The following TENM1 variants were observed in gnomAD, a reference collection of about 807,000 sequenced individuals.
TENM1 encodes teneurin-1.
Under a neutral mutation model 174.8 loss-of-function variants are expected in TENM1, and 35 were observed. The ratio of observed to expected loss-of-function variants is 0.20; its 90% CI spans 0.15 to 0.27. TENM1 has a LOEUF of 0.27. Among genes scored for constraint, TENM1 ranks in the 10% least tolerant of loss-of-function variants. The pLI is 1.00. For missense variants in TENM1, 1,633 were observed against 2,130.1 expected (o/e 0.77, Z 4.59); for synonymous variants, 781 against 798.7 (o/e 0.98, Z 0.37).
At chrX:125,062,618 T>C in the TENM1 span, among the ~76,000 whole-genome samples, 1 of 112,289 alleles carries the variant, frequency 8.9e-6, no homozygotes, top group Non-Finnish European at 1.9e-5. Context: ...GCCTTTTCTG[T>C]CAAAGAGATT....
chrX:125,057,489 TA>T, the TENM1 span, among the ~76,000 whole-genome samples: 6 of 111,013 alleles, frequency 5.4e-5, no homozygotes, highest in Admixed American at 9.6e-5. Flanking sequence ...AGGAAAAAAG[TA>T]AAGTAGTTCC....
chrX:125,031,074 G>A, the TENM1 span, among the ~76,000 whole-genome samples: 1 of 110,161 alleles, frequency 9.1e-6, no homozygotes, highest in Non-Finnish European at 1.9e-5. Flanking sequence ...CAGGTACTGG[G>A]CAGAGCAGCT....
At chrX:124,997,360 A>G in the TENM1 span, among the ~76,000 whole-genome samples, 25,161 of 110,284 alleles carry the variant, frequency 0.23, 2,896 homozygotes, top group African/African-American at 0.44. Flanking sequence ...TTAAATTTAT[A>G]TTGGGGCAAC....
intron 1 of TENM1, among the ~76,000 whole-genome samples, chrX:124,915,647 C>T (rs769219507): frequency 1.2e-3 from 135 of 112,426 alleles, no homozygotes; most frequent in Middle Eastern, 4.6e-3. Flanking sequence ...GTGAATATAG[C>T]AGTGTATCTC....
chrX:125,031,337 A>G, the TENM1 span, among the ~76,000 whole-genome samples: 1 of 111,486 alleles, frequency 9.0e-6, no homozygotes, highest in South Asian at 3.8e-4. Context: ...AGTTGTTGCC[A>G]TTTATATTGC....
At chrX:125,124,939 G>C in the TENM1 span, among the ~76,000 whole-genome samples, 1 of 112,014 alleles carries the variant, frequency 8.9e-6, no homozygotes, top group Non-Finnish European at 1.9e-5. Flanking sequence ...TGTTTTTAAA[G>C]ATCTAGGTCA....
chrX:125,038,920 C>T, the TENM1 span, among the ~76,000 whole-genome samples: 4 of 111,442 alleles, frequency 3.6e-5, no homozygotes, highest in African/African-American at 6.5e-5. Context: ...ATATTTGATG[C>T]CCAACATGTA....
Position 124,793,476 on chromosome X carries a change from G to T in TENM1, c.536-56279C>A, listed in dbSNP as rs538762562. Reference sequence around the variant, plus strand: ...GATTTCTCTGGTAGTCTTGGTAAAAGACCTGCTTATTAGAAAGACAAAAAA... The same window carrying T: ...GATTTCTCTGGTAGTCTTGGTAAAATACCTGCTTATTAGAAAGACAAAAAA... On this transcript the variant is annotated intron_variant, in intron 3 of 31. Coordinates refer to ENST00000422452, the Ensembl canonical transcript of TENM1. Among the ~76,000 whole-genome samples the T allele has an allele frequency of 8.1e-5, 9 of 111,304 alleles. No homozygotes were observed. The South Asian group carries it at 3.4e-3, about 42-fold the overall frequency.
At chrX:124,793,406 C>A (rs987694421) in intron 3 of TENM1, among the ~76,000 whole-genome samples, 1 of 111,580 alleles carries the variant, frequency 9.0e-6, no homozygotes, top group Admixed American at 9.6e-5. Context: ...TTCTCCAGGC[C>A]ATAAAACATG....
At chrX:124,512,823 C>T (rs1431978682) in intron 18 of TENM1, among the ~76,000 whole-genome samples, 1 of 111,815 alleles carries the variant, frequency 8.9e-6, no homozygotes, top group Non-Finnish European at 1.9e-5. Context: ...AAGAGTCCCA[C>T]AACTATCAAA....
chrX:125,201,015 C>A, the TENM1 span, among the ~76,000 whole-genome samples: 1 of 112,128 alleles, frequency 8.9e-6, no homozygotes, highest in Non-Finnish European at 1.9e-5. Flanking sequence ...TTTCTTACTA[C>A]TTCCAAGTTT....
chrX:124,391,322 G>A (rs1289144726), intron 28 of TENM1, among the ~76,000 whole-genome samples: 1 of 111,623 alleles, frequency 9.0e-6, no homozygotes. Context: ...ATAGATTTGG[G>A]AAACAAGAGG....
At chrX:124,941,438 T>C (rs941733025) in intron 1 of TENM1, among the ~76,000 whole-genome samples, 11 of 111,852 alleles carry the variant, frequency 9.8e-5, no homozygotes, top group South Asian at 3.7e-4. Flanking sequence ...TTTAAATGTT[T>C]AGTGTGCTAC....
the TENM1 span, among the ~76,000 whole-genome samples, chrX:125,107,496 CTCTG>C: frequency 1.8e-5 from 2 of 111,936 alleles, no homozygotes; most frequent in Admixed American, 9.5e-5. Context: ...ACAGCCCAAC[CTCTG>C]AGTGGTAGGC....
At chrX:125,179,184 CT>C in the TENM1 span, among the ~76,000 whole-genome samples, 1 of 111,772 alleles carries the variant, frequency 8.9e-6, no homozygotes, top group Admixed American at 9.5e-5. Flanking sequence ...ATTCTACCCC[CT>C]CCCAGAGTTG....
intron 21 of TENM1, 132 bp downstream of exon 24, chrX:124,487,077 A>G (rs2046968896): frequency 8.1e-6 from 5 of 619,772 alleles, no homozygotes; most frequent in Non-Finnish European, 1.2e-5. Context: ...CCTGAGTTAT[A>G]ACTTCCAAAT....
At position 124,384,327 on chromosome X, in the gene TENM1, G is replaced by T. The variant is rs915201149; in HGVS notation, c.6604C>A (p.Arg2202=). 1.1e-5 allele frequency: 13 copies of T among 1,207,453 alleles called. No individual in the cohort carries two copies. In the African/African-American group the frequency reaches 1.2e-4, roughly 11 times the overall value. The change falls in exon 30 of 32, where the codon CGA becomes AGA. Residue 2202 remains arginine, a synonymous_variant. Transcript: ENST00000422452. ...GTGATGCGGTCTCGGAGGTCATATC[G>T]GAGAGGAGTAAGACGAGCACTCTTC... is the stretch of plus-strand genomic sequence containing the variant.
chrX:124,816,308 C>T (rs548876038), intron 3 of TENM1, among the ~76,000 whole-genome samples: 3 of 111,877 alleles, frequency 2.7e-5, no homozygotes, highest in African/African-American at 9.7e-5. Context: ...AAAATAAATG[C>T]ATAATATGTA....
chrX:124,871,087 C>A (rs780479990), intron 3 of TENM1, among the ~76,000 whole-genome samples: 20 of 110,990 alleles, frequency 1.8e-4, no homozygotes, highest in African/African-American at 6.6e-4. Context: ...CAAGAGAACA[C>A]CAGAATTTAT....
Sources: gnomAD v4.1 joint callset for allele counts (sites outside exome capture counted in the v4.1 genomes callset) on GRCh38, gnomAD v4.1.1 for gene constraint, MANE v1.5 for transcripts, NCBI Gene and HGNC (gene_info 2026-07-23, HGNC 2026-07-21) for gene names.